The following FHIT variants were observed in gnomAD, a reference collection of about 807,000 sequenced individuals.
The protein encoded by FHIT is fragile histidine triad diadenosine triphosphatase.
Under a neutral mutation model 17.9 loss-of-function variants are expected in FHIT, and 19 were observed. The ratio of observed to expected loss-of-function variants is 1.06; its 90% CI spans 0.74 to 1.56. The LOEUF is 1.56. Ranked by LOEUF, FHIT falls within the 40% of genes most tolerant of loss-of-function variation. FHIT has a pLI of 0.00. For missense variants in FHIT, 248 were observed against 189.2 expected, an observed-to-expected ratio of 1.31 and a Z score of -1.82; for synonymous variants, 81 against 69.7, an observed-to-expected ratio of 1.16 and a Z score of -0.81.
chr3:60,768,290 A>G (rs1431932792), intron 4 of FHIT, among the ~76,000 whole-genome samples: 6 of 152,182 alleles, frequency 3.9e-5, no homozygotes, highest in Non-Finnish European at 5.9e-5. Flanking sequence ...ACTGAAAGGG[A>G]AGGGAACAAA....
At chr3:60,476,533 G>T (rs2033352041) in intron 5 of FHIT, among the ~76,000 whole-genome samples, 1 of 152,166 alleles carries the variant, frequency 6.6e-6, no homozygotes, top group African/African-American at 2.4e-5. Flanking sequence ...TATAGGGAGG[G>T]GTAAGCAAGG....
intron 5 of FHIT, among the ~76,000 whole-genome samples, chr3:60,494,064 T>TAAC (rs1251772604): frequency 6.6e-6 from 1 of 152,218 alleles, no homozygotes; most frequent in Non-Finnish European, 1.5e-5. Flanking sequence ...AACATTCACA[T>TAAC]AACAAAATTC....
intron 5 of FHIT, among the ~76,000 whole-genome samples, chr3:60,531,428 G>A (rs1236451104): frequency 2.6e-5 from 4 of 151,680 alleles, no homozygotes; most frequent in Non-Finnish European, 5.9e-5. Context: ...ACAGGCGCCC[G>A]CTACCACGCC....
chr3:60,338,669 A>G (rs1275412026), intron 5 of FHIT, among the ~76,000 whole-genome samples: 1 of 152,224 alleles, frequency 6.6e-6, no homozygotes, highest in Non-Finnish European at 1.5e-5. Context: ...AGAAAGATAG[A>G]GCACATGTGG....
intron 2 of FHIT, among the ~76,000 whole-genome samples, chr3:61,078,341 C>A (rs1639723779): frequency 6.6e-6 from 1 of 152,068 alleles, no homozygotes; most frequent in Non-Finnish European, 1.5e-5. Context: ...GGGGGATAAA[C>A]AATAGACAGG....
At chr3:60,375,359 AG>A (rs1160351631) in intron 5 of FHIT, among the ~76,000 whole-genome samples, 1 of 151,500 alleles carries the variant, frequency 6.6e-6, no homozygotes. Flanking sequence ...ACCTGAGTTC[AG>A]GAGTTCGAGA....
chr3:60,839,370 C>G (rs782683497), intron 3 of FHIT, among the ~76,000 whole-genome samples: 8 of 152,120 alleles, frequency 5.3e-5, no homozygotes, highest in Non-Finnish European at 1.0e-4. Flanking sequence ...TACACACACT[C>G]CATCCTGCCT....
rs147646762 is a variant in FHIT at position 60,508,255 on chromosome 3, G to T, written c.103+28605C>A. ...AGATCAGCACTGTGAATACAGTATT[G>T]CATGTTAGAAAAAGAAGGATGTTCT... On this transcript the variant is annotated intron_variant, in intron 5 of 9. Transcript: ENST00000492590. 3.7e-3 allele frequency among the ~76,000 whole-genome samples: 570 copies of T among 152,266 alleles called. 2 individuals are homozygous for T. Among genetic ancestry groups the T allele is most frequent in the African/African-American group, 0.013 (547 of 41,564 alleles).
At chr3:60,123,836 T>C (rs1185306177) in intron 5 of FHIT, among the ~76,000 whole-genome samples, 1 of 150,700 alleles carries the variant, frequency 6.6e-6, no homozygotes, top group African/African-American at 2.4e-5. Context: ...AGTATACTAC[T>C]GAATGAGAAT....
intron 1 of FHIT, among the ~76,000 whole-genome samples, chr3:61,214,400 A>T (rs1259194152): frequency 1.3e-5 from 2 of 152,240 alleles, no homozygotes; most frequent in Non-Finnish European, 2.9e-5. Flanking sequence ...TAAACTAGAA[A>T]ATCTAGAAGA....
At chr3:60,115,330 T>C (rs1303843633) in intron 5 of FHIT, among the ~76,000 whole-genome samples, 1 of 152,138 alleles carries the variant, frequency 6.6e-6, no homozygotes, top group Non-Finnish European at 1.5e-5. Context: ...TACAAATCCT[T>C]TATTAGAAAA....
At chr3:60,345,181 C>T (rs1710715879) in intron 5 of FHIT, among the ~76,000 whole-genome samples, 3 of 146,492 alleles carry the variant, frequency 2.0e-5, no homozygotes, top group Non-Finnish European at 4.4e-5. Context: ...ATATGTTGTC[C>T]TCCTATTAGG....
intron 2 of FHIT, among the ~76,000 whole-genome samples, chr3:61,074,908 C>T (rs926673376): frequency 6.6e-6 from 1 of 152,128 alleles, no homozygotes; most frequent in African/African-American, 2.4e-5. Context: ...AGTGTGTGAA[C>T]CTTTGTGAAA....
rs1382458329 is a variant in FHIT at position 59,977,814 on chromosome 3, T to G, written c.279+33557A>C. 3.9e-5 allele frequency among the ~76,000 whole-genome samples: 6 copies of G among 152,220 alleles called. 1 individual carries two copies. In the South Asian group the frequency reaches 1.2e-3, roughly 32 times the overall value. On this transcript the variant is annotated intron_variant, in intron 7 of 9. Transcript: ENST00000492590. Reference sequence around the variant, plus strand: ...AAAGCCAAATAAACCAAGGACAAATTTCTGATAGTTCTAGTTACCCTGCCT... The same window carrying G: ...AAAGCCAAATAAACCAAGGACAAATGTCTGATAGTTCTAGTTACCCTGCCT...
At chr3:60,122,321 G>A (rs543822135) in intron 5 of FHIT, among the ~76,000 whole-genome samples, 5 of 152,272 alleles carry the variant, frequency 3.3e-5, no homozygotes, top group Middle Eastern at 3.4e-3. Context: ...GCAAAGCAGG[G>A]AATTGTGGGA....
intron 5 of FHIT, among the ~76,000 whole-genome samples, chr3:60,289,176 C>T (rs974292612): frequency 1.3e-5 from 2 of 152,148 alleles, no homozygotes; most frequent in Admixed American, 6.5e-5. Flanking sequence ...TTAATATTCT[C>T]TACAAATAAT....
At chr3:60,169,927 G>C (rs1330509576) in intron 5 of FHIT, among the ~76,000 whole-genome samples, 3 of 152,316 alleles carry the variant, frequency 2.0e-5, no homozygotes, top group African/African-American at 7.2e-5. Context: ...GCAAGAAAAA[G>C]AGGAAGTACT....
At chr3:59,894,947 C>G (rs1704005170) in intron 8 of FHIT, among the ~76,000 whole-genome samples, 1 of 152,214 alleles carries the variant, frequency 6.6e-6, no homozygotes, top group East Asian at 1.9e-4. Context: ...GTGATGAGAA[C>G]AGACTTCAGA....
intron 4 of FHIT, among the ~76,000 whole-genome samples, chr3:60,609,286 C>G (rs1245311515): frequency 6.6e-6 from 1 of 152,086 alleles, no homozygotes; most frequent in African/African-American, 2.4e-5. Flanking sequence ...CTAAGGCTGC[C>G]TATTCCCTTC....
Sources: gnomAD v4.1 joint callset for allele counts (sites outside exome capture counted in the v4.1 genomes callset) on GRCh38, gnomAD v4.1.1 for gene constraint, MANE v1.5 for transcripts, NCBI Gene and HGNC (gene_info 2026-07-23, HGNC 2026-07-21) for gene names.